The following PTPRT variants were observed in gnomAD, a reference collection of about 807,000 sequenced individuals.
PTPRT encodes receptor-type tyrosine-protein phosphatase T.
In PTPRT, 56 loss-of-function variants were observed where a neutral mutation model predicts 176.8. The ratio of observed to expected loss-of-function variants is 0.32; its 90% CI spans 0.26 to 0.40. PTPRT has a LOEUF of 0.40. PTPRT is among the 10% of genes least tolerant of loss of function. The probability of loss-of-function intolerance (pLI) is 1.00; values close to 1 mark genes in which losing one functional copy is unlikely to be tolerated. For synonymous variants in PTPRT, 783 were observed against 739.0 expected (o/e 1.06, Z -0.96); for missense variants, 1,540 against 1,908.2 (o/e 0.81, Z 3.60).
intron 2 of PTPRT, among the ~76,000 whole-genome samples, chr20:42,825,290 T>C (rs1311714237): frequency 6.6e-6 from 1 of 151,938 alleles, no homozygotes; most frequent in Non-Finnish European, 1.5e-5. Context: ...AGGTGAAAAA[T>C]CTCACGACAG....
At chr20:42,676,709 A>AT (rs1857913067) in intron 7 of PTPRT, among the ~76,000 whole-genome samples, 1 of 152,242 alleles carries the variant, frequency 6.6e-6, no homozygotes, top group African/African-American at 2.4e-5. Context: ...CATATATAAA[A>AT]TGTAAGTACT....
chr20:42,549,408 T>C (rs1258973765), intron 7 of PTPRT, among the ~76,000 whole-genome samples: 1 of 152,054 alleles, frequency 6.6e-6, no homozygotes, highest in East Asian at 1.9e-4. Flanking sequence ...CAAAGCAGTG[T>C]AAATTAAATG....
At chr20:42,725,009 T>TGTGTGTGTG (rs1569113401) in intron 6 of PTPRT, among the ~76,000 whole-genome samples, 76 of 134,040 alleles carry the variant, frequency 5.7e-4, no homozygotes, top group African/African-American at 1.9e-3. Flanking sequence ...TGGACATCTT[T>TGTGTGTGTG]TGTGTGTGTG....
intron 1 of PTPRT, among the ~76,000 whole-genome samples, chr20:43,138,424 C>T (rs986299340): frequency 6.6e-6 from 1 of 152,186 alleles, no homozygotes; most frequent in Non-Finnish European, 1.5e-5. Context: ...ATGAGCCATG[C>T]GACCCTGGGC....
intron 5 of PTPRT, among the ~76,000 whole-genome samples, chr20:42,757,861 A>C (rs550557653): frequency 4.6e-5 from 7 of 152,214 alleles, no homozygotes; most frequent in Non-Finnish European, 1.0e-4. Flanking sequence ...ATGTTGGTGC[A>C]GTTTGAGTGG....
intron 1 of PTPRT, among the ~76,000 whole-genome samples, chr20:43,043,232 G>A (rs1024034464): frequency 3.3e-5 from 5 of 152,124 alleles, no homozygotes; most frequent in African/African-American, 7.2e-5. Context: ...GCTAGCAAAC[G>A]ACGCCCTCCC....
Position 42,472,404 on chromosome 20 carries a change from C to T in PTPRT, c.1312G>A (p.Glu438Lys), listed in dbSNP as rs143164081. The T allele has an allele frequency of 1.7e-5, 28 of 1,614,218 alleles. No individual in the cohort carries two copies. The highest frequency in any genetic ancestry group is 2.2e-5 in the Non-Finnish European group (26 of 1,180,032). Reference sequence around the variant, plus strand: ...TGGGAGGAGGTCTGGATGACCTCCTCGGCCTCGTACTGCTGCTGGTTGAAC... The same window carrying T: ...TGGGAGGAGGTCTGGATGACCTCCTTGGCCTCGTACTGCTGCTGGTTGAAC... ...YVFNQQQYEA[E>K]EVIQTSSHYT... Residue 438 changes from glutamate (E) to lysine (K), a missense_variant, in exon 8 of 31, where the codon GAG becomes AAG. This residue lies in a region of PTPRT where 79 missense variants were observed against 80.0 expected (regional missense o/e 0.99). Transcript: ENST00000373187.
chr20:42,498,413 C>T (rs547109691), intron 7 of PTPRT, among the ~76,000 whole-genome samples: 29 of 152,254 alleles, frequency 1.9e-4, no homozygotes, highest in African/African-American at 6.0e-4. Context: ...ACAAAACAGA[C>T]TCTGTAGCAA....
At chr20:42,287,592 A>G (rs560179914) in intron 12 of PTPRT, among the ~76,000 whole-genome samples, 19 of 151,938 alleles carry the variant, frequency 1.3e-4, no homozygotes, top group Non-Finnish European at 2.2e-4. Context: ...AGAGAGAGAA[A>G]GGGAAAGATT....
At chr20:42,336,594 G>T (rs1310917622) in intron 11 of PTPRT, among the ~76,000 whole-genome samples, 2 of 152,140 alleles carry the variant, frequency 1.3e-5, no homozygotes, top group Non-Finnish European at 2.9e-5. Context: ...TCAGTACACT[G>T]TAGTTCAATT....
At chr20:42,135,767 C>A (rs1988343153) in intron 18 of PTPRT, among the ~76,000 whole-genome samples, 1 of 152,128 alleles carries the variant, frequency 6.6e-6, no homozygotes, top group Non-Finnish European at 1.5e-5. Flanking sequence ...GAGGTCTATA[C>A]CATCATCCCA....
At chr20:42,199,511 A>G in intron 15 of PTPRT, 123 bp from the exon 16 acceptor site, 4 of 1,153,124 alleles carry the variant, frequency 3.5e-6, no homozygotes, top group Non-Finnish European at 4.9e-6. Context: ...ATTCTCCAGA[A>G]AAAGAATCAA....
intron 25 of PTPRT, among the ~76,000 whole-genome samples, chr20:42,103,884 T>C (rs1302265543): frequency 6.6e-6 from 1 of 152,168 alleles, no homozygotes; most frequent in Non-Finnish European, 1.5e-5. Context: ...TGAGTGAGTG[T>C]GTAGTTGCTC....
chr20:42,631,129 C>G (rs1442621204), intron 7 of PTPRT, among the ~76,000 whole-genome samples: 1 of 152,038 alleles, frequency 6.6e-6, no homozygotes, highest in Non-Finnish European at 1.5e-5. Flanking sequence ...AAGCTAATAA[C>G]CTGAGGAAAC....
intron 7 of PTPRT, among the ~76,000 whole-genome samples, chr20:42,677,463 G>A (rs926121915): frequency 2.0e-5 from 3 of 151,930 alleles, no homozygotes; most frequent in African/African-American, 7.3e-5. Flanking sequence ...CACGGCCAGG[G>A]CCCCCAGAGA....
At chr20:42,373,726 G>A (rs2058617114) in intron 9 of PTPRT, among the ~76,000 whole-genome samples, 2 of 152,238 alleles carry the variant, frequency 1.3e-5, no homozygotes, top group African/African-American at 2.4e-5. Context: ...GTGCAGGGAG[G>A]AGAGGAAAGC....
chr20:42,796,998 G>A (rs567498175), intron 2 of PTPRT, among the ~76,000 whole-genome samples: 21 of 152,298 alleles, frequency 1.4e-4, no homozygotes, highest in South Asian at 4.1e-4. Context: ...TATAAAGTGC[G>A]TAGATAAGTA....
intron 1 of PTPRT, among the ~76,000 whole-genome samples, chr20:43,140,385 T>C (rs1038887560): frequency 6.6e-6 from 1 of 151,366 alleles, no homozygotes; most frequent in Non-Finnish European, 1.5e-5. Context: ...CAAAATCAGA[T>C]AAAATTCCTA....
chr20:42,727,928 G>T (rs966453194), intron 6 of PTPRT, among the ~76,000 whole-genome samples: 1 of 151,990 alleles, frequency 6.6e-6, no homozygotes, highest in Admixed American at 6.6e-5. Context: ...TTGTGCATGA[G>T]CAGCACCAAA....
Sources: gnomAD v4.1 joint callset for allele counts (sites outside exome capture counted in the v4.1 genomes callset) on GRCh38, gnomAD v4.1.1 for gene constraint, gnomAD v4.1.1 regional missense constraint, MANE v1.5 for transcripts, NCBI Gene and HGNC (gene_info 2026-07-23, HGNC 2026-07-21) for gene names.